Variants in ODAD3 observed in about 807,000 individuals in gnomAD.
ODAD3 encodes outer dynein arm-docking complex subunit 3.
Under a neutral mutation model 70.9 loss-of-function variants are expected in ODAD3, and 57 were observed. The ratio of observed to expected loss-of-function variants is 0.80; its 90% CI spans 0.65 to 1.00. The LOEUF is 1.00. Ranked by LOEUF, ODAD3 falls within the 50% of genes least tolerant of loss-of-function variation. The pLI, the probability that ODAD3 is intolerant of heterozygous loss-of-function variation, is 0.00. For missense variants in ODAD3, 797 were observed against 763.9 expected, an observed-to-expected ratio of 1.04 and a Z score of -0.51; for synonymous variants, 327 against 315.9, an observed-to-expected ratio of 1.04 and a Z score of -0.37.
intron 7 of ODAD3, among the ~76,000 whole-genome samples, chr19:11,425,023 A>G (rs577755281): frequency 2.2e-5 from 3 of 134,054 alleles, no homozygotes; most frequent in South Asian, 4.5e-4. Flanking sequence ...GTATATATAC[A>G]TATGTGCATA....
In ODAD3 at chr19:11,435,059, C is replaced by G. The variant is rs764782643; in HGVS notation, c.-43G>C. The G allele has an allele frequency of 2.0e-5, 31 of 1,555,038 alleles. No individual in the cohort carries two copies. The East Asian group carries it at 6.8e-4, about 34-fold the overall frequency. ...AGGCCCCTAGGGGTTAGGGGGATAA[C>G]TAGGAGTCAGTCGCCCCTGTCAGGG... On this transcript the variant is annotated 5_prime_UTR_variant, in exon 1 of 13. Transcript: ENST00000356392.
At chr19:11,425,460 T>G (rs1001072660) in intron 7 of ODAD3, among the ~76,000 whole-genome samples, 3 of 143,934 alleles carry the variant, frequency 2.1e-5, no homozygotes, top group African/African-American at 7.8e-5. Context: ...CATATATGTG[T>G]GTGTATATAT....
In ODAD3 at chr19:11,420,745, C is replaced by T; in HGVS notation, c.*90G>A. On this transcript the variant is annotated 3_prime_UTR_variant, in exon 13 of 13. Transcript: ENST00000356392. ...CTCCGTTCCCGGTCCGGGCCGCGTT[C>T]AGCCCCTGAAGGGGCCCCGTGGGGC... The T allele has an allele frequency of 8.6e-7, 1 of 1,167,220 alleles. No homozygotes were observed. The highest frequency in any genetic ancestry group is 1.3e-6 in the Non-Finnish European group (1 of 793,218). The allele number at this position is 1,167,220 out of a possible 1,614,324, so 72.3% of individuals were successfully genotyped here.
rs753332300 is a variant in ODAD3, at chr19:11,426,942, G to A, written c.543C>T (p.Leu181=). Residue 181 remains leucine (L), a synonymous_variant, in exon 4 of 13, where the codon CTC becomes CTT. Transcript: ENST00000356392. The part of the protein sequence containing the change: ...VVLRQRRLEE[L]QLQHSLRLLE... ...GAAGGCGCAGGCTGTGCTGCAGCTG[G>A]AGCTCCTCCAGCCGCCTCTGCCGCA... 20 of 1,609,256 alleles carry A rather than the reference G, an allele frequency of 1.2e-5. No homozygotes were observed. The East Asian group carries it at 3.1e-4, about 25-fold the overall frequency.
Position 11,423,727 on chromosome 19 carries a change from T to G in ODAD3, c.1116+150A>C. 10 of 761,992 alleles carry G rather than the reference T, an allele frequency of 1.3e-5. No individual in the cohort carries two copies. In the South Asian group the frequency reaches 1.9e-4, roughly 15 times the overall value. 47.2% of individuals were successfully genotyped at this position (761,992 alleles called of 1,614,324 possible). A position where few individuals can be genotyped will look rare whatever the true frequency, so the allele number is the denominator to read the frequency against. ...ACGGTAGCTGGAGGGGGAAGGGATG[T>G]TTTTCAAGAAAGGAGCAGGTTTGTG... On this transcript the variant is annotated intron_variant, in intron 8 of 12. Coordinates refer to ENST00000356392, the MANE Select transcript of ODAD3 (RefSeq NM_145045.5).
At chr19:11,429,975 T>TTACAGG (rs1191797016) in intron 3 of ODAD3, among the ~76,000 whole-genome samples, 3 of 152,060 alleles carry the variant, frequency 2.0e-5, no homozygotes, top group African/African-American at 7.2e-5. Context: ...ATAGCTGGGA[T>TTACAGG]TACAGGCATG....
chr19:11,423,178 T>C lies in ODAD3; in HGVS notation c.1117-317A>G, dbSNP rs145866101. ...TGCCATCAATTTCTGGCCGTGAATC[T>C]CGCCCGATTCCGCAGGAAATACCGC... On this transcript the variant is annotated intron_variant, in intron 8 of 12. Coordinates refer to ENST00000356392, the MANE Select transcript of ODAD3 (RefSeq NM_145045.5). 9.8e-4 allele frequency among the ~76,000 whole-genome samples: 149 copies of C among 152,312 alleles called. 3 individuals are homozygous for C. In the East Asian group the frequency reaches 0.026, roughly 26 times the overall value.
chr19:11,428,759 G>C (rs970180621), intron 3 of ODAD3, among the ~76,000 whole-genome samples: 1 of 152,106 alleles, frequency 6.6e-6, no homozygotes, highest in Non-Finnish European at 1.5e-5. Flanking sequence ...TATGTTGGCA[G>C]GCTGGTCTCA....
intron 3 of ODAD3, 113 bp from the exon 4 acceptor site, chr19:11,427,153 G>A (rs1340374569): frequency 1.7e-6 from 2 of 1,191,584 alleles, no homozygotes; most frequent in African/African-American, 1.5e-5. Context: ...CCCCTCTCCC[G>A]TTTTCTACCC....
chr19:11,432,743 C>T (rs764473281), intron 1 of ODAD3, among the ~76,000 whole-genome samples: 1 of 152,102 alleles, frequency 6.6e-6, no homozygotes, highest in Non-Finnish European at 1.5e-5. Context: ...GATGACAAGA[C>T]AGAGGCTTGG....
chr19:11,426,614 G>A lies in ODAD3; in HGVS notation c.715-43C>T, dbSNP rs746705613. On this transcript the variant is annotated intron_variant, in intron 5 of 12. Transcript: ENST00000356392. ...GGGGTAGCGGAGATGGTGCAGGTCT[G>A]TGACTGCTGTCCCTAGCCAAGCCCG... 12 of 1,613,574 alleles carry A rather than the reference G, an allele frequency of 7.4e-6. No homozygotes were observed. In the South Asian group the frequency reaches 1.3e-4, roughly 18 times the overall value.
intron 7 of ODAD3, among the ~76,000 whole-genome samples, chr19:11,424,534 T>C (rs566130475): frequency 3.4e-4 from 45 of 133,348 alleles, no homozygotes; most frequent in East Asian, 1.2e-3. Flanking sequence ...TATATATGTA[T>C]ATATGTGTAT....
At chr19:11,434,238 A>AAAG (rs1969586139) in intron 1 of ODAD3, among the ~76,000 whole-genome samples, 3 of 148,118 alleles carry the variant, frequency 2.0e-5, no homozygotes, top group African/African-American at 5.0e-5. Flanking sequence ...AAACAAAAAA[A>AAAG]AACGCGGGTG....
intron 3 of ODAD3, among the ~76,000 whole-genome samples, chr19:11,428,216 A>G (rs1296891694): frequency 2.6e-5 from 4 of 151,242 alleles, no homozygotes; most frequent in Non-Finnish European, 4.4e-5. Flanking sequence ...GATTACAGGC[A>G]AGAGCCACTG....
Position 11,430,653 on chromosome 19 carries a change from A to AG in ODAD3, c.444+45_444+46insC, listed in dbSNP as rs1969482416. 3 of 1,584,462 alleles carry AG rather than the reference A, an allele frequency of 1.9e-6. No individual in the cohort carries two copies. The East Asian group carries it at 6.7e-5, about 35-fold the overall frequency. On this transcript the variant is annotated intron_variant, in intron 3 of 12. Coordinates refer to ENST00000356392, the MANE Select transcript of ODAD3 (RefSeq NM_145045.5). ...GAGCCTGGAGTCCAGTGGTGAGGGG[A>AG]CCCAGGCTGGAAATGAAGGAGGAGG...
chr19:11,432,275 G>T, intron 1 of ODAD3, among the ~76,000 whole-genome samples: 1 of 152,076 alleles, frequency 6.6e-6, no homozygotes, highest in East Asian at 1.9e-4. Flanking sequence ...TTGGGACTGG[G>T]TCTTGCTCTG....
At chr19:11,425,567 GTATGTA>G (rs1265018499) in intron 7 of ODAD3, among the ~76,000 whole-genome samples, 3 of 131,108 alleles carry the variant, frequency 2.3e-5, no homozygotes, top group African/African-American at 7.3e-5. Flanking sequence ...ATATATGTGT[GTATGTA>G]TGTATATATG....
rs765175983 is a variant in ODAD3, at chr19:11,426,242, TCTC to T, written c.862_864del (p.Glu288del). ...CGCTTCTTGCGCTCTCGAACCAAGG[TCTC>T]CTCTAGGTACTGCAGCTGGTTCTGG... On this transcript the variant is annotated inframe_deletion, in exon 7 of 13. Coordinates refer to ENST00000356392, the MANE Select transcript of ODAD3 (RefSeq NM_145045.5). The T allele has an allele frequency of 6.2e-7, 1 of 1,613,754 alleles. No homozygotes were observed. Among genetic ancestry groups the T allele is most frequent in the Non-Finnish European group, 8.5e-7 (1 of 1,179,912 alleles).
In ODAD3 at chr19:11,422,518, T is replaced by C. The variant is rs1332004369; in HGVS notation, c.1387A>G (p.Lys463Glu). 4 of 1,593,986 alleles carry C rather than the reference T, an allele frequency of 2.5e-6. No individual in the cohort carries two copies. Among genetic ancestry groups the C allele is most frequent in the Non-Finnish European group, 3.4e-6 (4 of 1,172,060 alleles). The change falls in exon 10 of 13, where the codon AAG becomes GAG. Residue 463 changes from lysine to glutamate, a missense_variant. Lys to Glu is a moderately conservative substitution (Grantham distance 56). Transcript: ENST00000356392. The surrounding 1 kb of genome is among the most constrained non-coding windows in gnomAD (Gnocchi z 4.6). The stretch of plus-strand genomic sequence containing the variant: ...CTGGCCAGGTGCTCCAGGCTGTCCT[T>C]GGCCACTTGCATCGCCCGCAAGGCG... ...ERALRAMQVA[K>E]DSLEHLASKL...
Sources: allele counts gnomAD v4.1 joint callset (sites outside exome capture counted in the v4.1 genomes callset), GRCh38; gene constraint gnomAD v4.1.1; non-coding constraint Gnocchi (gnomAD v3.1); transcripts MANE v1.5; gene names NCBI Gene and HGNC (gene_info 2026-07-23, HGNC 2026-07-21).